The following VPS54 variants were observed in gnomAD, a reference collection of about 807,000 sequenced individuals.
The protein encoded by VPS54 is vacuolar protein sorting-associated protein 54.
Under a neutral mutation model 121.5 loss-of-function variants are expected in VPS54, and 45 were observed. That is an observed-to-expected ratio of 0.37 (90% CI 0.29 to 0.47). VPS54 has a LOEUF of 0.47. VPS54 is among the 20% of genes least tolerant of loss of function. The pLI is 0.99. For missense variants in VPS54, 1,090 were observed against 1,131.4 expected (o/e 0.96, Z 0.52); for synonymous variants, 371 against 385.8 (o/e 0.96, Z 0.45).
intron 1 of VPS54, among the ~76,000 whole-genome samples, chr2:64,012,621 C>T (rs545303760): frequency 6.6e-6 from 1 of 152,012 alleles, no homozygotes; most frequent in South Asian, 2.1e-4. Context: ...CTTACCTCTT[C>T]CTGCTTCATC....
At chr2:63,911,085 C>T (rs1048253090) in intron 20 of VPS54, among the ~76,000 whole-genome samples, 1 of 96,992 alleles carries the variant, frequency 1.0e-5, no homozygotes, top group African/African-American at 5.9e-5. Context: ...TGTTTACAGT[C>T]TTCTAACCTT....
At chr2:63,898,926 G>A (rs1672554619) in intron 21 of VPS54, among the ~76,000 whole-genome samples, 1 of 152,128 alleles carries the variant, frequency 6.6e-6, no homozygotes, top group Non-Finnish European at 1.5e-5. Context: ...GAATACAGTA[G>A]CGATAGAAGG....
At chr2:63,896,705 C>T (rs1031075966) in intron 22 of VPS54, among the ~76,000 whole-genome samples, 1 of 152,002 alleles carries the variant, frequency 6.6e-6, no homozygotes, top group Non-Finnish European at 1.5e-5. Context: ...GAAATTTGAG[C>T]CTGAAATTCC....
chr2:63,985,700 C>G (rs1200431533), intron 1 of VPS54, among the ~76,000 whole-genome samples: 1 of 151,864 alleles, frequency 6.6e-6, no homozygotes, highest in Non-Finnish European at 1.5e-5. Context: ...CACACACACA[C>G]ACACACACAC....
intron 7 of VPS54, among the ~76,000 whole-genome samples, chr2:63,955,360 T>C (rs1398734307): frequency 6.6e-6 from 1 of 152,070 alleles, no homozygotes; most frequent in Non-Finnish European, 1.5e-5. Flanking sequence ...TCTTTTTTAA[T>C]GCAGACTAGA....
chr2:63,990,949 C>A (rs779136800), intron 1 of VPS54, among the ~76,000 whole-genome samples: 12 of 152,122 alleles, frequency 7.9e-5, no homozygotes, highest in Non-Finnish European at 1.5e-4. Flanking sequence ...AGACTGGGAC[C>A]TTTTGGCAAA....
At chr2:63,964,141 G>A (rs1675885969) in intron 6 of VPS54, among the ~76,000 whole-genome samples, 1 of 152,136 alleles carries the variant, frequency 6.6e-6, no homozygotes, top group African/African-American at 2.4e-5. Context: ...CATAAAAGGA[G>A]TTTCAAAGTG....
At chr2:64,018,271 T>G (rs75497307) in intron 1 of VPS54, among the ~76,000 whole-genome samples, 1,878 of 152,284 alleles carry the variant, frequency 0.012, 17 homozygotes, top group Non-Finnish European at 0.015. Context: ...TTGAAACGCC[T>G]GTCAGTCAAA....
intron 1 of VPS54, among the ~76,000 whole-genome samples, chr2:64,016,273 C>G (rs1461684830): frequency 6.6e-6 from 1 of 152,132 alleles, no homozygotes; most frequent in Non-Finnish European, 1.5e-5. Context: ...TGAATACAAC[C>G]AAAAAGTGTA....
intron 4 of VPS54, 78 bp from the exon 5 acceptor site, chr2:63,969,069 C>A: frequency 1.7e-6 from 2 of 1,191,736 alleles, no homozygotes; most frequent in South Asian, 1.3e-5. Flanking sequence ...TTGACAGATT[C>A]AGTATTGTAC....
chr2:63,931,147 A>T (rs540056181), intron 12 of VPS54, among the ~76,000 whole-genome samples: 20 of 152,336 alleles, frequency 1.3e-4, no homozygotes, highest in Non-Finnish European at 2.6e-4. Context: ...CTTTCTTCAC[A>T]GAAATGAAAA....
intron 1 of VPS54, among the ~76,000 whole-genome samples, chr2:64,007,741 G>A (rs1388481751): frequency 2.0e-5 from 3 of 152,164 alleles, no homozygotes; most frequent in African/African-American, 7.2e-5. Flanking sequence ...AAGCTCTGAA[G>A]AAGGGGTAGG....
chr2:63,991,065 G>A (rs1327310369), intron 1 of VPS54, among the ~76,000 whole-genome samples: 1 of 152,116 alleles, frequency 6.6e-6, no homozygotes, highest in East Asian at 1.9e-4. Flanking sequence ...TAATTACTCA[G>A]GCTCAGCTCA....
chr2:63,900,937 T>G (rs1672656765), intron 20 of VPS54, among the ~76,000 whole-genome samples: 1 of 152,024 alleles, frequency 6.6e-6, no homozygotes, highest in Non-Finnish European at 1.5e-5. Flanking sequence ...TAATTTTTTG[T>G]TTTTAGTAGA....
At chr2:63,930,044 T>C (rs1293206401) in intron 12 of VPS54, among the ~76,000 whole-genome samples, 5 of 151,946 alleles carry the variant, frequency 3.3e-5, no homozygotes, top group Admixed American at 6.6e-5. Flanking sequence ...CAAAAAAAGT[T>C]CAGGACCAGA....
chr2:63,913,338 A>C (rs747550187), intron 17 of VPS54, 28 bp from the exon 18 acceptor site: 48 of 1,544,516 alleles, frequency 3.1e-5, no homozygotes, highest in South Asian at 1.1e-4. Flanking sequence ...AAAAAACCCC[A>C]AAATTTACTA....
At chr2:63,909,726 T>G (rs1673059936) in intron 20 of VPS54, among the ~76,000 whole-genome samples, 1 of 101,468 alleles carries the variant, frequency 9.9e-6, no homozygotes. Flanking sequence ...CCGTTTTTGG[T>G]TTTTTTTTTT....
At chr2:64,011,422 C>T (rs1389261900) in intron 1 of VPS54, among the ~76,000 whole-genome samples, 5 of 152,022 alleles carry the variant, frequency 3.3e-5, no homozygotes, top group African/African-American at 4.8e-5. Flanking sequence ...AAAAGTTAGC[C>T]GGGCATGGTG....
chr2:63,915,261 A>C (rs763696452), intron 16 of VPS54, among the ~76,000 whole-genome samples: 17 of 152,084 alleles, frequency 1.1e-4, no homozygotes, highest in Admixed American at 2.0e-4. Context: ...AAGTTAAAGA[A>C]GATTGAAATT....
Sources: allele counts gnomAD v4.1 joint callset (sites outside exome capture counted in the v4.1 genomes callset), GRCh38; gene constraint gnomAD v4.1.1; transcripts MANE v1.5; gene names NCBI Gene and HGNC (gene_info 2026-07-23, HGNC 2026-07-21).